Variants in CREBBP observed in about 807,000 individuals in gnomAD.
CREBBP encodes CREB-binding protein.
A neutral mutation model predicts 265.0 loss-of-function variants in CREBBP; 19 were observed. The ratio of observed to expected loss-of-function variants is 0.07; its 90% CI spans 0.05 to 0.11. The LOEUF is 0.11. CREBBP is among the 10% of genes least tolerant of loss of function. The pLI, the probability that CREBBP is intolerant of heterozygous loss-of-function variation, is 1.00. For synonymous variants in CREBBP, 1,457 were observed against 1,223.7 expected (o/e 1.19, Z -3.98); for missense variants, 2,525 against 3,219.0 (o/e 0.78, Z 5.22).
In CREBBP at chr16:3,726,870, T is replaced by C. The variant is rs754327524; in HGVS notation, c.*848A>G. 12 of 233,654 alleles carry C rather than the reference T, an allele frequency of 5.1e-5. No individual in the cohort carries two copies. Among genetic ancestry groups the C allele is most frequent in the Middle Eastern group, 1.3e-3 (1 of 786 alleles). 14.5% of individuals were successfully genotyped at this position (233,654 alleles called of 1,614,324 possible). A position where few individuals can be genotyped will look rare whatever the true frequency, so the allele number is the denominator to read the frequency against. ...CAATATGATATAAGAAATGAGTTGG[T>C]ATTTTACCATTCTATACAGTGATTG... On this transcript the variant is annotated 3_prime_UTR_variant, in exon 31 of 31. Coordinates refer to ENST00000262367, the MANE Select transcript of CREBBP (RefSeq NM_004380.3).
intron 13 of CREBBP, among the ~76,000 whole-genome samples, chr16:3,772,181 G>A (rs916587185): frequency 7.1e-6 from 1 of 141,328 alleles, no homozygotes; most frequent in Non-Finnish European, 1.5e-5. Context: ...CTTAGAAAAA[G>A]GTATTTTTTT....
intron 3 of CREBBP, among the ~76,000 whole-genome samples, chr16:3,799,197 G>A (rs1389646915): frequency 6.6e-6 from 1 of 152,152 alleles, no homozygotes; most frequent in Non-Finnish European, 1.5e-5. Context: ...ACTGCTAATG[G>A]TACTAGGTTT....
chr16:3,778,207 G>T (rs1309968855), intron 9 of CREBBP, 25 bp from the exon 10 acceptor site: 3 of 1,560,866 alleles, frequency 1.9e-6, no homozygotes, highest in Non-Finnish European at 2.6e-6. Flanking sequence ...TATTCAATAT[G>T]AAACAGTTAA....
rs777805461 is a variant in CREBBP at position 3,729,884 on chromosome 16, A to T, written c.5173-10T>A. ...TGCAGAGGTCGTAGTCCTGCAAGCA[A>T]GGAAAGGGGACAGGCCGGTGTCAGC... On this transcript the variant is annotated splice_polypyrimidine_tract_variant and intron_variant, in intron 30 of 30. Coordinates refer to ENST00000262367, the MANE Select transcript of CREBBP (RefSeq NM_004380.3). 2.5e-6 allele frequency: 4 copies of T among 1,600,202 alleles called. No homozygotes were observed. The highest frequency in any genetic ancestry group is 3.4e-6 in the Non-Finnish European group (4 of 1,179,870).
chr16:3,786,760 C>G (rs571090313), intron 5 of CREBBP, among the ~76,000 whole-genome samples: 1 of 152,254 alleles, frequency 6.6e-6, no homozygotes, highest in Admixed American at 6.5e-5. Flanking sequence ...TACCAAGACA[C>G]TTAGATTTCT....
intron 1 of CREBBP, among the ~76,000 whole-genome samples, chr16:3,873,890 A>T (rs369674393): frequency 5.3e-5 from 8 of 152,274 alleles, no homozygotes; most frequent in African/African-American, 1.9e-4. Context: ...TTAAGGGACA[A>T]ATACTATATA....
Position 3,780,765 on chromosome 16 carries a change from G to C in CREBBP, c.1790C>G (p.Thr597Ser). The change falls in exon 8 of 31, where the codon ACT (threonine) becomes AGT (serine). Residue 597 changes from threonine (T) to serine (S), a missense_variant. By Grantham distance (58) the Thr-to-Ser change is moderately conservative. This residue lies in a region of CREBBP where 144 missense variants were observed against 134.0 expected (regional missense o/e 1.07). Coordinates refer to ENST00000262367, the MANE Select transcript of CREBBP (RefSeq NM_004380.3). The part of the protein sequence containing the change: ...GVRKGWHEHV[T>S]QDLRSHLVHK... ...CACTAGATGGCTCCGCAGGTCCTGA[G>C]TGACATGTTCGTGCCAGCCTTTCCT... 1 of 1,614,126 alleles carries C rather than the reference G, an allele frequency of 6.2e-7. No individual in the cohort carries two copies. The highest frequency in any genetic ancestry group is 2.2e-5 in the East Asian group (1 of 44,888).
chr16:3,801,694 A>G (rs906399538), intron 3 of CREBBP, among the ~76,000 whole-genome samples: 1 of 152,182 alleles, frequency 6.6e-6, no homozygotes, highest in Non-Finnish European at 1.5e-5. Flanking sequence ...GAACGGGGTA[A>G]CAGTCCCTAG....
chr16:3,765,211 C>T (rs1295411520), intron 16 of CREBBP, among the ~76,000 whole-genome samples: 2 of 152,190 alleles, frequency 1.3e-5, no homozygotes, highest in Non-Finnish European at 2.9e-5. Flanking sequence ...CTGCTGACCT[C>T]GTGATCTGCC....
At chr16:3,794,061 C>G (rs1044587785) in intron 3 of CREBBP, among the ~76,000 whole-genome samples, 1 of 151,086 alleles carries the variant, frequency 6.6e-6, no homozygotes, top group Admixed American at 6.6e-5. Flanking sequence ...AGCGCGTTGG[C>G]TCACGCCTGT....
At position 3,736,397 on chromosome 16, in the gene CREBBP, G is replaced by A. The variant is rs2151328462; in HGVS notation, c.4561-194C>T. 4.0e-6 allele frequency: 3 copies of A among 753,190 alleles called. No individual in the cohort carries two copies. The South Asian group carries it at 5.0e-5, about 12-fold the overall frequency. The allele number at this position is 753,190 out of a possible 1,614,324, so 46.7% of individuals were successfully genotyped here. A position where few individuals can be genotyped will look rare whatever the true frequency, so the allele number is the denominator to read the frequency against. On this transcript the variant is annotated intron_variant, in intron 27 of 30. Coordinates refer to ENST00000262367, the MANE Select transcript of CREBBP (RefSeq NM_004380.3). ...CCACAGTGCTGGAGCCCCTATGTGT[G>A]CAACAGTGATGCACAGGCCCCAATG...
intron 11 of CREBBP, 110 bp downstream of exon 11, chr16:3,777,503 G>A: frequency 8.5e-7 from 1 of 1,171,806 alleles, no homozygotes; most frequent in Non-Finnish European, 1.3e-6. Context: ...AAAAGGAATG[G>A]AAAGAAGAAA....
chr16:3,835,908 G>A (rs1399612714), intron 2 of CREBBP, among the ~76,000 whole-genome samples: 11 of 151,634 alleles, frequency 7.3e-5, no homozygotes, highest in Non-Finnish European at 1.6e-4. Context: ...GCTTCAAACT[G>A]GAAACAACCC....
intron 1 of CREBBP, among the ~76,000 whole-genome samples, chr16:3,851,747 G>C (rs1006193571): frequency 2.0e-5 from 3 of 146,438 alleles, no homozygotes; most frequent in Non-Finnish European, 4.5e-5. Flanking sequence ...CCAGCTACTC[G>C]GGAGGCTGAG....
intron 2 of CREBBP, among the ~76,000 whole-genome samples, chr16:3,838,761 C>G (rs1449914546): frequency 1.3e-5 from 2 of 152,152 alleles, no homozygotes; most frequent in Non-Finnish European, 2.9e-5. Flanking sequence ...GTTGCCCGGG[C>G]TGGTGTCAAA....
chr16:3,844,803 T>G (rs566699206), intron 2 of CREBBP, among the ~76,000 whole-genome samples: 2 of 152,282 alleles, frequency 1.3e-5, no homozygotes, highest in East Asian at 3.9e-4. Context: ...TATATTAAAA[T>G]AGCCAGTTAG....
At chr16:3,756,977 A>T (rs1328142737) in intron 19 of CREBBP, among the ~76,000 whole-genome samples, 1 of 152,170 alleles carries the variant, frequency 6.6e-6, no homozygotes, top group Non-Finnish European at 1.5e-5. Context: ...TTTATAACTA[A>T]CTAAGAGGCC....
At chr16:3,789,518 C>A (rs965649544) in intron 5 of CREBBP, among the ~76,000 whole-genome samples, 1 of 152,168 alleles carries the variant, frequency 6.6e-6, no homozygotes, top group Non-Finnish European at 1.5e-5. Context: ...GTCACCCTTA[C>A]GTTATTTTTA....
In CREBBP at chr16:3,736,807, G is replaced by A. The variant is rs542790843; in HGVS notation, c.4403C>T (p.Thr1468Ile). Residue 1468 changes from threonine to isoleucine, a missense_variant, in exon 27 of 31, where the codon ACA (threonine) becomes ATA (isoleucine). Thr to Ile is a moderately conservative substitution (Grantham distance 89). Coordinates refer to ENST00000262367, the MANE Select transcript of CREBBP (RefSeq NM_004380.3). ...TGGAGGACAGGCCCAGATGTGCCCT[G>A]TCACATACCTGCAGGACCCACGCAC... ...LEYVKKLGYV[T>I]GHIWACPPSE... 2 of 1,614,172 alleles carry A rather than the reference G, an allele frequency of 1.2e-6. No homozygotes were observed. The highest frequency in any genetic ancestry group is 2.2e-5 in the South Asian group (2 of 91,084).
Sources: allele counts gnomAD v4.1 joint callset (sites outside exome capture counted in the v4.1 genomes callset), GRCh38; gene constraint gnomAD v4.1.1; regional missense constraint gnomAD v4.1.1; transcripts MANE v1.5; gene names NCBI Gene and HGNC (gene_info 2026-07-23, HGNC 2026-07-21).